Variants in GPR27 observed in about 807,000 individuals in gnomAD.
GPR27 encodes the protein probable G protein-coupled receptor 27.
A neutral mutation model predicts 2.4 loss-of-function variants in GPR27; 3 were observed. The observed-to-expected ratio is 1.23, with a 90% CI of 0.56 to 3.18. GPR27 has a LOEUF of 3.18. Among genes scored for constraint, GPR27 ranks in the 30% most tolerant of loss-of-function variants. GPR27 has a pLI of 0.03. For missense variants in GPR27, 526 were observed against 566.1 expected (o/e 0.93, Z 0.72); for synonymous variants, 367 against 296.4 (o/e 1.24, Z -2.45).
rs756274992 is a variant in GPR27, at chr3:71,754,958, C to T, written c.909C>T (p.Ala303=). 1.2e-6 allele frequency: 2 copies of T among 1,613,508 alleles called. No homozygotes were observed. The highest frequency in any genetic ancestry group is 1.7e-5 in the Admixed American group (1 of 60,010). Residue 303 remains alanine (A), a synonymous_variant, in exon 1 of 1, where the codon GCC becomes GCT. Transcript: ENST00000304411. The surrounding 1 kb of genome is among the most constrained non-coding windows in gnomAD (Gnocchi z 5.8). ...FLLLWGPYVV[A]SYLRVLVRPG... is the part of the protein sequence containing the mutation. ...TCCTCTGGGGGCCCTACGTCGTGGC[C>T]AGCTACCTGCGGGTCCTGGTGCGGC...
Position 71,755,005 on chromosome 3 carries a change from A to G in GPR27, c.956A>G (p.Tyr319Cys), listed in dbSNP as rs1264958322. 6 of 1,612,856 alleles carry G rather than the reference A, an allele frequency of 3.7e-6. No homozygotes were observed. Among genetic ancestry groups the G allele is most frequent in the Non-Finnish European group, 5.1e-6 (6 of 1,179,872 alleles). The change falls in exon 1 of 1, where the codon TAC becomes TGC. Residue 319 changes from tyrosine to cysteine, a missense_variant. By Grantham distance (194) the Tyr-to-Cys change is radical (BLOSUM62 -2). Around this residue, in one of 3 missense-constraint regions of GPR27, gnomAD observed 116 missense variants for 100.9 expected, o/e 1.15. Coordinates refer to ENST00000304411, the MANE Select transcript of GPR27 (RefSeq NM_018971.3). Reference sequence around the variant, plus strand: ...CGGCCCGGCGCCGTCCCCCAGGCCTACCTGACGGCCTCCGTGTGGCTGACC... The same window carrying G: ...CGGCCCGGCGCCGTCCCCCAGGCCTGCCTGACGGCCTCCGTGTGGCTGACC... ...LVRPGAVPQAYLTASVWLTFA... is the reference protein window; with the variant it reads ...LVRPGAVPQACLTASVWLTFA...
Position 71,755,117 on chromosome 3 carries a change from C to G in GPR27, c.1068C>G (p.Cys356Trp). The change falls in exon 1 of 1, where the codon TGC becomes TGG. Residue 356 changes from cysteine to tryptophan, a missense_variant. This residue lies in a region of GPR27 where 116 missense variants were observed against 100.9 expected (regional missense o/e 1.15). Coordinates refer to ENST00000304411, the MANE Select transcript of GPR27 (RefSeq NM_018971.3). The part of the protein sequence containing the change: ...RDCFRAQFPC[C>W]QSPRTTQATH... ...GCTTCAGGGCCCAGTTCCCCTGCTG[C>G]CAGAGCCCCCGGACCACCCAGGCGA... 6.2e-7 allele frequency: 1 copy of G among 1,609,784 alleles called. No homozygotes were observed. The highest frequency in any genetic ancestry group is 1.6e-4 in the Middle Eastern group (1 of 6,062).
Position 71,754,665 on chromosome 3 carries a change from T to G in GPR27, c.616T>G (p.Phe206Val). 1 of 1,501,210 alleles carries G rather than the reference T, an allele frequency of 6.7e-7. No homozygotes were observed. Among genetic ancestry groups the G allele is most frequent in the South Asian group, 1.2e-5 (1 of 82,762 alleles). 93.0% of individuals were successfully genotyped at this position (1,501,210 alleles called of 1,614,324 possible). The change falls in exon 1 of 1, where the codon TTC (phenylalanine) becomes GTC (valine). Residue 206 changes from phenylalanine to valine, a missense_variant. This residue lies in a region of GPR27 where 312 missense variants were observed against 318.4 expected (regional missense o/e 0.98). Coordinates refer to ENST00000304411, the MANE Select transcript of GPR27 (RefSeq NM_018971.3). This position sits in a 1 kb window ranked among gnomAD's most constrained non-coding sequence, Gnocchi z 5.8. ...ATHLVYLRLL[F>V]FIHDRRKMRP... ...GCACCTCGTCTACCTCCGCCTGCTC[T>G]TCTTCATCCACGACCGCCGCAAGAT...
chr3:71,755,055 G>A lies in GPR27; in HGVS notation c.1006G>A (p.Val336Ile). The change falls in exon 1 of 1, where the codon GTC (valine) becomes ATC (isoleucine). Residue 336 changes from valine (V) to isoleucine (I), a missense_variant. Val to Ile is a conservative substitution (Grantham distance 29, BLOSUM62 3). Transcript: ENST00000304411. ...CTTCGCGCAGGCCGGCATCAACCCC[G>A]TCGTGTGCTTCCTCTTCAACAGGGA... The part of the protein sequence containing the change: ...LTFAQAGINP[V>I]VCFLFNRELR... 1 of 1,611,958 alleles carries A rather than the reference G, an allele frequency of 6.2e-7. No homozygotes were observed. The highest frequency in any genetic ancestry group is 8.5e-7 in the Non-Finnish European group (1 of 1,179,970).
Position 71,755,917 on chromosome 3 carries a change from C to A in GPR27, c.*740C>A, listed in dbSNP as rs938971803. On this transcript the variant is annotated 3_prime_UTR_variant, in exon 1 of 1. Transcript: ENST00000304411. ...GTATTATAGCAATCTTGAATGGAAA[C>A]ATTTCTGTCAAGTTGTAAGTTTTAA... The A allele has an allele frequency of 6.6e-6, 1 of 152,198 alleles. No individual in the cohort carries two copies. Among genetic ancestry groups the A allele is most frequent in the Admixed American group, 6.5e-5 (1 of 15,282 alleles). 9.4% of individuals were successfully genotyped at this position (152,198 alleles called of 1,614,324 possible).
In GPR27 at chr3:71,754,999, A is replaced by G. The variant is rs2049987247; in HGVS notation, c.950A>G (p.Gln317Arg). ...CTGGTGCGGCCCGGCGCCGTCCCCC[A>G]GGCCTACCTGACGGCCTCCGTGTGG... ...RVLVRPGAVP[Q>R]AYLTASVWLT... Residue 317 changes from glutamine (Q) to arginine (R), a missense_variant, in exon 1 of 1, where the codon CAG becomes CGG. Physicochemically the swap from Gln to Arg is conservative, Grantham distance 43. Around this residue, in one of 3 missense-constraint regions of GPR27, gnomAD observed 116 missense variants for 100.9 expected, o/e 1.15. Transcript: ENST00000304411. This position sits in a 1 kb window ranked among gnomAD's most constrained non-coding sequence, Gnocchi z 5.8. 1 of 1,613,128 alleles carries G rather than the reference A, an allele frequency of 6.2e-7. No individual in the cohort carries two copies. The highest frequency in any genetic ancestry group is 2.2e-5 in the East Asian group (1 of 44,860).
In GPR27 at chr3:71,754,294, C is replaced by T. The variant is rs1487370659; in HGVS notation, c.245C>T (p.Ala82Val). 6.1e-6 allele frequency: 7 copies of T among 1,145,234 alleles called. No homozygotes were observed. Among genetic ancestry groups the T allele is most frequent in the Non-Finnish European group, 7.5e-6 (7 of 934,608 alleles). 70.9% of individuals were successfully genotyped at this position (1,145,234 alleles called of 1,614,324 possible). Reference sequence around the variant, plus strand: ...GCCGTCATGCTGGCGGCGCGGCGTGCGGCGGCCGCGGCGGGGGCGCCGCCG... The same window carrying T: ...GCCGTCATGCTGGCGGCGCGGCGTGTGGCGGCCGCGGCGGGGGCGCCGCCG... Reference protein sequence around the residue: ...LPAVMLAARRAAAAAGAPPGA... With the variant: ...LPAVMLAARRVAAAAGAPPGA... The change falls in exon 1 of 1, where the codon GCG (alanine) becomes GTG (valine). Residue 82 changes from alanine (A) to valine (V), a missense_variant. This residue lies in a region of GPR27 where 312 missense variants were observed against 318.4 expected (regional missense o/e 0.98). Coordinates refer to ENST00000304411, the MANE Select transcript of GPR27 (RefSeq NM_018971.3). This position sits in a 1 kb window ranked among gnomAD's most constrained non-coding sequence, Gnocchi z 5.8.
At position 71,754,358 on chromosome 3, in the gene GPR27, G is replaced by T. The variant is rs1014923838; in HGVS notation, c.309G>T (p.Ala103=). ...GCAAGCTGCTCGCCTTCCTGGCCGC[G>T]CTCTTCTGCTTCCACGCCGCCTTCC... ...LGCKLLAFLA[A]LFCFHAAFLL... Residue 103 remains alanine (A), a synonymous_variant, in exon 1 of 1, where the codon GCG becomes GCT. Transcript: ENST00000304411. This position sits in a 1 kb window ranked among gnomAD's most constrained non-coding sequence, Gnocchi z 5.8. 8 of 1,317,066 alleles carry T rather than the reference G, an allele frequency of 6.1e-6. No individual in the cohort carries two copies. Among genetic ancestry groups the T allele is most frequent in the Non-Finnish European group, 7.8e-6 (8 of 1,023,430 alleles). 81.6% of individuals were successfully genotyped at this position (1,317,066 alleles called of 1,614,324 possible). A position where few individuals can be genotyped will look rare whatever the true frequency, so the allele number is the denominator to read the frequency against.
At position 71,754,640 on chromosome 3, in the gene GPR27, G is replaced by A. The variant is rs1262250234; in HGVS notation, c.591G>A (p.Thr197=). Residue 197 remains threonine (T), a synonymous_variant, in exon 1 of 1, where the codon ACG becomes ACA. Coordinates refer to ENST00000304411, the MANE Select transcript of GPR27 (RefSeq NM_018971.3). The surrounding 1 kb of genome is among the most constrained non-coding windows in gnomAD (Gnocchi z 5.8). ...TGCTGGCCGTGGTGGTGGGCGCCAC[G>A]CACCTCGTCTACCTCCGCCTGCTCT... ...LLLLAVVVGA[T]HLVYLRLLFF... 3 of 1,486,212 alleles carry A rather than the reference G, an allele frequency of 2.0e-6. No homozygotes were observed. The highest frequency in any genetic ancestry group is 2.1e-5 in the Admixed American group (1 of 47,254). 92.1% of individuals were successfully genotyped at this position (1,486,212 alleles called of 1,614,324 possible). A position where few individuals can be genotyped will look rare whatever the true frequency, so the allele number is the denominator to read the frequency against.
rs761777436 is a variant in GPR27 at position 71,754,276 on chromosome 3, T to C, written c.227T>C (p.Met76Thr). Residue 76 changes from methionine to threonine, a missense_variant, in exon 1 of 1, where the codon ATG becomes ACG. Around this residue, in one of 3 missense-constraint regions of GPR27, gnomAD observed 312 missense variants for 318.4 expected, o/e 0.98. Coordinates refer to ENST00000304411, the MANE Select transcript of GPR27 (RefSeq NM_018971.3). The surrounding 1 kb of genome is among the most constrained non-coding windows in gnomAD (Gnocchi z 5.8). ...GCGCTCGCCTGCCTCCCGGCCGTCATGCTGGCGGCGCGGCGTGCGGCGGCC... is the reference window on the plus strand; with the variant it reads ...GCGCTCGCCTGCCTCCCGGCCGTCACGCTGGCGGCGCGGCGTGCGGCGGCC... ...LRALACLPAV[M>T]LAARRAAAAA... 1 of 1,190,096 alleles carries C rather than the reference T, an allele frequency of 8.4e-7. No homozygotes were observed. The highest frequency in any genetic ancestry group is 1.0e-6 in the Non-Finnish European group (1 of 958,480). 73.7% of individuals were successfully genotyped at this position (1,190,096 alleles called of 1,614,324 possible). A position where few individuals can be genotyped will look rare whatever the true frequency, so the allele number is the denominator to read the frequency against.
rs775749172 is a variant in GPR27, at chr3:71,755,249, C to G, written c.*72C>G. ...TCGGACGGTGACGTTGTATCTTTTC[C>G]TTCTGGCCCCTGTTTAATTTTCTAA... On this transcript the variant is annotated 3_prime_UTR_variant, in exon 1 of 1. Coordinates refer to ENST00000304411, the MANE Select transcript of GPR27 (RefSeq NM_018971.3). 75 of 1,211,844 alleles carry G rather than the reference C, an allele frequency of 6.2e-5. No individual in the cohort carries two copies. The highest frequency in any genetic ancestry group is 2.0e-4 in the Middle Eastern group (1 of 5,042). 75.1% of individuals were successfully genotyped at this position (1,211,844 alleles called of 1,614,324 possible).
At position 71,754,593 on chromosome 3, in the gene GPR27, G is replaced by C. The variant is rs2049982187; in HGVS notation, c.544G>C (p.Gly182Arg). Reference sequence around the variant, plus strand: ...GGAGCAGCGGCCCGACGGCGCCCCCGGCGCGCTGGGCTTCCTGCTGCTGCT... The same window carrying C: ...GGAGCAGCGGCCCGACGGCGCCCCCCGCGCGCTGGGCTTCCTGCTGCTGCT... ...ALEQRPDGAP[G>R]ALGFLLLLAV... The change falls in exon 1 of 1, where the codon GGC (glycine) becomes CGC (arginine). Residue 182 changes from glycine to arginine, a missense_variant. By Grantham distance (125) the Gly-to-Arg change is moderately radical. Transcript: ENST00000304411. This position sits in a 1 kb window ranked among gnomAD's most constrained non-coding sequence, Gnocchi z 5.8. The C allele has an allele frequency of 7.7e-6, 11 of 1,420,568 alleles. No individual in the cohort carries two copies. Among genetic ancestry groups the C allele is most frequent in the African/African-American group, 1.5e-5 (1 of 66,576 alleles). 88.0% of individuals were successfully genotyped at this position (1,420,568 alleles called of 1,614,324 possible). A position where few individuals can be genotyped will look rare whatever the true frequency, so the allele number is the denominator to read the frequency against.
In GPR27 at chr3:71,755,028, A is replaced by G; in HGVS notation, c.979A>G (p.Thr327Ala). The change falls in exon 1 of 1, where the codon ACC (threonine) becomes GCC (alanine). Residue 327 changes from threonine to alanine, a missense_variant. Thr to Ala is a moderately conservative substitution (Grantham distance 58). Transcript: ENST00000304411. ...QAYLTASVWL[T>A]FAQAGINPVV... ...CTACCTGACGGCCTCCGTGTGGCTG[A>G]CCTTCGCGCAGGCCGGCATCAACCC... 6.2e-7 allele frequency: 1 copy of G among 1,612,660 alleles called. No individual in the cohort carries two copies. Among genetic ancestry groups the G allele is most frequent in the Non-Finnish European group, 8.5e-7 (1 of 1,179,928 alleles).
Position 71,754,300 on chromosome 3 carries a change from C to G in GPR27, c.251C>G (p.Ala84Gly). 8.7e-7 allele frequency: 1 copy of G among 1,151,228 alleles called. No individual in the cohort carries two copies. Among genetic ancestry groups the G allele is most frequent in the Non-Finnish European group, 1.1e-6 (1 of 938,344 alleles). 71.3% of individuals were successfully genotyped at this position (1,151,228 alleles called of 1,614,324 possible). A position where few individuals can be genotyped will look rare whatever the true frequency, so the allele number is the denominator to read the frequency against. ...ATGCTGGCGGCGCGGCGTGCGGCGGCCGCGGCGGGGGCGCCGCCGGGCGCG... is the reference window on the plus strand; with the variant it reads ...ATGCTGGCGGCGCGGCGTGCGGCGGGCGCGGCGGGGGCGCCGCCGGGCGCG... Reference protein sequence around the residue: ...AVMLAARRAAAAAGAPPGALG... With the variant: ...AVMLAARRAAGAAGAPPGALG... The change falls in exon 1 of 1, where the codon GCC becomes GGC. Residue 84 changes from alanine to glycine, a missense_variant. Physicochemically the swap from Ala to Gly is moderately conservative, Grantham distance 60. This residue lies in a region of GPR27 where 312 missense variants were observed against 318.4 expected (regional missense o/e 0.98). Transcript: ENST00000304411. This position sits in a 1 kb window ranked among gnomAD's most constrained non-coding sequence, Gnocchi z 5.8.
chr3:71,755,116 G>T lies in GPR27; in HGVS notation c.1067G>T (p.Cys356Phe). 1 of 1,609,872 alleles carries T rather than the reference G, an allele frequency of 6.2e-7. No individual in the cohort carries two copies. Residue 356 changes from cysteine (C) to phenylalanine (F), a missense_variant, in exon 1 of 1, where the codon TGC becomes TTC. Coordinates refer to ENST00000304411, the MANE Select transcript of GPR27 (RefSeq NM_018971.3). ...RDCFRAQFPC[C>F]QSPRTTQATH... ...TGCTTCAGGGCCCAGTTCCCCTGCT[G>T]CCAGAGCCCCCGGACCACCCAGGCG... is the stretch of plus-strand genomic sequence containing the variant.
In GPR27 at chr3:71,755,324, T is replaced by C; in HGVS notation, c.*147T>C. 1.4e-6 allele frequency: 1 copy of C among 696,542 alleles called. No individual in the cohort carries two copies. Among genetic ancestry groups the C allele is most frequent in the Non-Finnish European group, 2.4e-6 (1 of 424,898 alleles). 43.1% of individuals were successfully genotyped at this position (696,542 alleles called of 1,614,324 possible). A position where few individuals can be genotyped will look rare whatever the true frequency, so the allele number is the denominator to read the frequency against. The stretch of plus-strand genomic sequence containing the variant: ...GGACAGACACTTGGATTGTACTGAC[T>C]CCTTTGGGGGTGGGGTGGGTGAGGA... On this transcript the variant is annotated 3_prime_UTR_variant, in exon 1 of 1. Coordinates refer to ENST00000304411, the MANE Select transcript of GPR27 (RefSeq NM_018971.3).
chr3:71,755,291 C>T lies in GPR27; in HGVS notation c.*114C>T. On this transcript the variant is annotated 3_prime_UTR_variant, in exon 1 of 1. Transcript: ENST00000304411. The stretch of plus-strand genomic sequence containing the variant: ...ATTTTCTAAGCTGCCTTCAAAATGA[C>T]TCGAAGTGGACAGACACTTGGATTG... The T allele has an allele frequency of 2.3e-6, 2 of 885,388 alleles. No individual in the cohort carries two copies. The highest frequency in any genetic ancestry group is 3.4e-6 in the Non-Finnish European group (2 of 590,000). 54.8% of individuals were successfully genotyped at this position (885,388 alleles called of 1,614,324 possible). A position where few individuals can be genotyped will look rare whatever the true frequency, so the allele number is the denominator to read the frequency against.
chr3:71,754,750 C>T lies in GPR27; in HGVS notation c.701C>T (p.Ala234Val). ...GACTGGACCTTCCACGGCCCGGGCGCCACCGGCCAGGCGGCCGCCAACTGG... is the reference window on the plus strand; with the variant it reads ...GACTGGACCTTCCACGGCCCGGGCGTCACCGGCCAGGCGGCCGCCAACTGG... ...SHDWTFHGPG[A>V]TGQAAANWTA... is the part of the protein sequence containing the mutation. Residue 234 changes from alanine (A) to valine (V), a missense_variant, in exon 1 of 1, where the codon GCC becomes GTC. Coordinates refer to ENST00000304411, the MANE Select transcript of GPR27 (RefSeq NM_018971.3). This position sits in a 1 kb window ranked among gnomAD's most constrained non-coding sequence, Gnocchi z 5.8. 1 of 1,371,360 alleles carries T rather than the reference C, an allele frequency of 7.3e-7. No homozygotes were observed. Among genetic ancestry groups the T allele is most frequent in the South Asian group, 1.6e-5 (1 of 64,224 alleles). 84.9% of individuals were successfully genotyped at this position (1,371,360 alleles called of 1,614,324 possible).
In GPR27 at chr3:71,754,368, T is replaced by C; in HGVS notation, c.319T>C (p.Phe107Leu). ...CGCCTTCCTGGCCGCGCTCTTCTGC[T>C]TCCACGCCGCCTTCCTGCTGCTGGG... ...LLAFLAALFC[F>L]HAAFLLLGVG... is the part of the protein sequence containing the mutation. The change falls in exon 1 of 1, where the codon TTC becomes CTC. Residue 107 changes from phenylalanine to leucine, a missense_variant. This residue lies in a region of GPR27 where 312 missense variants were observed against 318.4 expected (regional missense o/e 0.98). Coordinates refer to ENST00000304411, the MANE Select transcript of GPR27 (RefSeq NM_018971.3). The surrounding 1 kb of genome is among the most constrained non-coding windows in gnomAD (Gnocchi z 5.8). The C allele has an allele frequency of 7.5e-7, 1 of 1,327,418 alleles. No homozygotes were observed. The highest frequency in any genetic ancestry group is 3.5e-5 in the East Asian group (1 of 28,754). The allele number at this position is 1,327,418 out of a possible 1,614,324, so 82.2% of individuals were successfully genotyped here.
Sources: gnomAD v4.1 joint callset for allele counts on GRCh38, gnomAD v4.1.1 for gene constraint, gnomAD v4.1.1 regional missense constraint, Gnocchi (gnomAD v3.1) non-coding constraint, MANE v1.5 for transcripts, NCBI Gene and HGNC (gene_info 2026-07-23, HGNC 2026-07-21) for gene names.